Variants in ZCCHC24 observed in about 807,000 individuals in gnomAD.
ZCCHC24 encodes the protein zinc finger CCHC domain-containing protein 24.
ZCCHC24 carries 10 observed loss-of-function variants against 26.2 expected under a neutral mutation model. The ratio of observed to expected loss-of-function variants is 0.38; its 90% CI spans 0.24 to 0.65. The LOEUF (loss-of-function observed/expected upper bound fraction) is 0.65. ZCCHC24 is among the 30% of genes least tolerant of loss of function. The pLI, the probability that ZCCHC24 is intolerant of heterozygous loss-of-function variation, is 0.54. For synonymous variants in ZCCHC24, 144 were observed against 147.1 expected (o/e 0.98, Z 0.15); for missense variants, 243 against 329.1 (o/e 0.74, Z 2.03).
chr10:79,416,563 G>A lies in ZCCHC24; in HGVS notation c.447+15995C>T, dbSNP rs562482564. Among the ~76,000 whole-genome samples, 7 of 152,300 alleles carry A rather than the reference G, an allele frequency of 4.6e-5. No individual in the cohort carries two copies. In the East Asian group the frequency reaches 5.8e-4, roughly 13 times the overall value. ...CCTTGGCTCCTGTGTGACTCTGGGCGAATCCCTTGACGTCTCTGAAGACAT... is the reference window on the plus strand; with the variant it reads ...CCTTGGCTCCTGTGTGACTCTGGGCAAATCCCTTGACGTCTCTGAAGACAT... On this transcript the variant is annotated intron_variant, in intron 2 of 3. Coordinates refer to ENST00000372336, the MANE Select transcript of ZCCHC24 (RefSeq NM_153367.4).
At chr10:79,399,757 C>T (rs1682104895) in intron 2 of ZCCHC24, among the ~76,000 whole-genome samples, 2 of 152,196 alleles carry the variant, frequency 1.3e-5, no homozygotes, top group African/African-American at 2.4e-5. Flanking sequence ...CGCTGCAGGG[C>T]GGGGAAGTGG....
At position 79,382,962 on chromosome 10, in the gene ZCCHC24, G is replaced by A. The variant is rs1040334056; in HGVS notation, c.*3383C>T. On this transcript the variant is annotated 3_prime_UTR_variant, in exon 4 of 4. Transcript: ENST00000372336. Reference sequence around the variant, plus strand: ...ACAGAGGGGCTGGTTAGTCAAATAAGCTGCTTCTTCCCCTTGCCCACTCCC... The same window carrying A: ...ACAGAGGGGCTGGTTAGTCAAATAAACTGCTTCTTCCCCTTGCCCACTCCC... 2 of 152,552 alleles carry A rather than the reference G, an allele frequency of 1.3e-5. No individual in the cohort carries two copies. The highest frequency in any genetic ancestry group is 2.4e-5 in the African/African-American group (1 of 41,444). 9.4% of individuals were successfully genotyped at this position (152,552 alleles called of 1,614,324 possible).
chr10:79,443,396 A>G (rs1241870922), intron 1 of ZCCHC24, among the ~76,000 whole-genome samples: 1 of 152,162 alleles, frequency 6.6e-6, no homozygotes, highest in Non-Finnish European at 1.5e-5. Context: ...CCACCATGGT[A>G]GGGGGAGCAG....
At chr10:79,427,106 T>A (rs1396469383) in intron 2 of ZCCHC24, among the ~76,000 whole-genome samples, 1 of 151,888 alleles carries the variant, frequency 6.6e-6, no homozygotes, top group Non-Finnish European at 1.5e-5. Flanking sequence ...AGAAGGACAT[T>A]TTATAAGGAT....
At chr10:79,402,643 A>G (rs982912333) in intron 2 of ZCCHC24, among the ~76,000 whole-genome samples, 5 of 152,304 alleles carry the variant, frequency 3.3e-5, no homozygotes, top group African/African-American at 4.8e-5. Flanking sequence ...CTAGCATTCA[A>G]TGAGCACCTA....
In ZCCHC24 at chr10:79,384,638, T is replaced by A; in HGVS notation, c.*1707A>T. ...CCCTCAAATCCACCCTGCAGCTCCC[T>A]GGCTGCAAATACACTCACTCCATCT... is the stretch of plus-strand genomic sequence containing the variant. On this transcript the variant is annotated 3_prime_UTR_variant, in exon 4 of 4. Transcript: ENST00000372336. 1 of 152,880 alleles carries A rather than the reference T, an allele frequency of 6.5e-6. No homozygotes were observed. The highest frequency in any genetic ancestry group is 1.9e-4 in the East Asian group (1 of 5,320). The allele number at this position is 152,880 out of a possible 1,614,324, so 9.5% of individuals were successfully genotyped here.
chr10:79,408,954 G>C (rs1319368415), intron 2 of ZCCHC24: 1 of 152,222 alleles, frequency 6.6e-6, no homozygotes, highest in Non-Finnish European at 1.5e-5. Flanking sequence ...CTCCCTGTGT[G>C]TCCACTCGTA....
intron 2 of ZCCHC24, among the ~76,000 whole-genome samples, chr10:79,409,536 A>AG (rs1856763347): frequency 6.6e-6 from 1 of 151,916 alleles, no homozygotes. Flanking sequence ...GGCACAGGAC[A>AG]GGGGGCTCTG....
intron 2 of ZCCHC24, 138 bp downstream of exon 2, chr10:79,432,420 T>A: frequency 1.1e-6 from 1 of 883,232 alleles, no homozygotes; most frequent in Non-Finnish European, 1.6e-6. Context: ...GACAAAAGGG[T>A]AGAGGCCAGA....
intron 2 of ZCCHC24, among the ~76,000 whole-genome samples, chr10:79,429,085 C>A (rs906427624): frequency 6.6e-6 from 1 of 152,210 alleles, no homozygotes; most frequent in Non-Finnish European, 1.5e-5. Context: ...TTTACAAACT[C>A]TTCCAGAAAA....
intron 1 of ZCCHC24, 25 bp downstream of exon 1, chr10:79,445,170 G>GGCGGGGGCGC: frequency 7.9e-7 from 1 of 1,268,350 alleles, no homozygotes; most frequent in Non-Finnish European, 1.0e-6. Context: ...TGGGGCGGTG[G>GGCGGGGGCGC]GCGGGGGCGC....
chr10:79,413,024 C>T (rs1415021298), intron 2 of ZCCHC24, among the ~76,000 whole-genome samples: 1 of 152,196 alleles, frequency 6.6e-6, no homozygotes, highest in Non-Finnish European at 1.5e-5. Flanking sequence ...TCTGAAAGCC[C>T]AGGAGAGTCT....
intron 2 of ZCCHC24, among the ~76,000 whole-genome samples, chr10:79,428,064 T>C (rs1245059145): frequency 6.6e-6 from 1 of 152,222 alleles, no homozygotes; most frequent in Non-Finnish European, 1.5e-5. Context: ...AAGATACTTA[T>C]AAACCCTCGA....
At chr10:79,408,788 G>A (rs1227493374) in intron 2 of ZCCHC24, among the ~76,000 whole-genome samples, 1 of 152,060 alleles carries the variant, frequency 6.6e-6, no homozygotes, top group Non-Finnish European at 1.5e-5. Context: ...GCAAAAGGTG[G>A]GTGTTTCTGA....
chr10:79,398,128 C>T (rs1409470756), intron 2 of ZCCHC24, among the ~76,000 whole-genome samples: 2 of 152,164 alleles, frequency 1.3e-5, no homozygotes, highest in Non-Finnish European at 1.5e-5. Context: ...ACGTCCTCAG[C>T]GCACCATTCC....
rs532358786 is a variant in ZCCHC24, at chr10:79,391,476, T to C, written c.612+2800A>G. Among the ~76,000 whole-genome samples the C allele has an allele frequency of 4.6e-5, 7 of 152,092 alleles. No individual in the cohort carries two copies. In the South Asian group the frequency reaches 1.5e-3, roughly 32 times the overall value. On this transcript the variant is annotated intron_variant, in intron 3 of 3. Coordinates refer to ENST00000372336, the MANE Select transcript of ZCCHC24 (RefSeq NM_153367.4). ...AGCCACTGCGGAGACTGGGTTCCTG[T>C]GGGGCTTTGGTGCACAGGCTGGGCC...
chr10:79,394,073 C>T (rs945635236), intron 3 of ZCCHC24, among the ~76,000 whole-genome samples: 4 of 152,206 alleles, frequency 2.6e-5, no homozygotes, highest in East Asian at 1.9e-4. Flanking sequence ...TACAATTCCC[C>T]GGGGTTCTCT....
chr10:79,418,565 G>A (rs1193884411), intron 2 of ZCCHC24, among the ~76,000 whole-genome samples: 2 of 152,238 alleles, frequency 1.3e-5, no homozygotes, highest in East Asian at 1.9e-4. Flanking sequence ...GCAAGAGGAC[G>A]TGTTTGGGCT....
At chr10:79,388,171 A>T (rs1250743756) in intron 3 of ZCCHC24, among the ~76,000 whole-genome samples, 1 of 152,118 alleles carries the variant, frequency 6.6e-6, no homozygotes, top group East Asian at 1.9e-4. Context: ...CAGCTTTCTC[A>T]TGGGCTTGTT....
Sources: gnomAD v4.1 joint callset for allele counts (sites outside exome capture counted in the v4.1 genomes callset) on GRCh38, gnomAD v4.1.1 for gene constraint, MANE v1.5 for transcripts, NCBI Gene and HGNC (gene_info 2026-07-23, HGNC 2026-07-21) for gene names.